Variants in MYO1E observed in about 807,000 individuals in gnomAD.
The protein encoded by MYO1E is unconventional myosin-Ie.
A neutral mutation model predicts 151.1 loss-of-function variants in MYO1E; 68 were observed. The ratio of observed to expected loss-of-function variants is 0.45; its 90% CI spans 0.37 to 0.55. The LOEUF (loss-of-function observed/expected upper bound fraction) is 0.55, where lower values mean the gene tolerates loss of function less well. Among genes scored for constraint, MYO1E ranks in the 20% least tolerant of loss-of-function variants. The probability of loss-of-function intolerance (pLI) is 0.00; values close to 1 mark genes in which losing one functional copy is unlikely to be tolerated. For synonymous variants in MYO1E, 601 were observed against 501.7 expected (o/e 1.20, Z -2.64); for missense variants, 1,363 against 1,389.3 (o/e 0.98, Z 0.30).
At chr15:59,168,154 T>C (rs976921693) in intron 22 of MYO1E, among the ~76,000 whole-genome samples, 6 of 152,236 alleles carry the variant, frequency 3.9e-5, no homozygotes, top group African/African-American at 7.2e-5. Context: ...ACTAGACATA[T>C]ATCTGTATGT....
chr15:59,140,119 C>T lies in MYO1E; in HGVS notation c.3081-1752G>A, dbSNP rs567283851. Among the ~76,000 whole-genome samples, 29 of 151,872 alleles carry T rather than the reference C, an allele frequency of 1.9e-4. No homozygotes were observed. The South Asian group carries it at 6.0e-3, about 32-fold the overall frequency. On this transcript the variant is annotated intron_variant, in intron 26 of 27. Coordinates refer to ENST00000288235, the MANE Select transcript of MYO1E (RefSeq NM_004998.4). The stretch of plus-strand genomic sequence containing the variant: ...GTGGGTGCGGGAGGCTGTCCTATGC[C>T]CTGTAGGATCCCTGGCCTCTACCCA...
intron 17 of MYO1E, among the ~76,000 whole-genome samples, chr15:59,193,740 C>T (rs2079748446): frequency 6.6e-6 from 1 of 152,116 alleles, no homozygotes. Flanking sequence ...GTACAGCCTC[C>T]TAAAGTAAGA....
At chr15:59,331,373 A>G (rs2080696903) in intron 1 of MYO1E, among the ~76,000 whole-genome samples, 1 of 152,154 alleles carries the variant, frequency 6.6e-6, no homozygotes, top group African/African-American at 2.4e-5. Flanking sequence ...CTGGGGAAAC[A>G]TCTCTGAACT....
chr15:59,278,921 G>C (rs1285984129), intron 1 of MYO1E, among the ~76,000 whole-genome samples: 2 of 152,026 alleles, frequency 1.3e-5, no homozygotes, highest in Non-Finnish European at 2.9e-5. Flanking sequence ...CTGAAGCTTG[G>C]GGTCATAATG....
chr15:59,237,981 C>G (rs889553847), intron 4 of MYO1E, among the ~76,000 whole-genome samples: 1 of 152,118 alleles, frequency 6.6e-6, no homozygotes, highest in African/African-American at 2.4e-5. Flanking sequence ...TCATGACCTG[C>G]AAAAGTCTGA....
intron 1 of MYO1E, among the ~76,000 whole-genome samples, chr15:59,331,523 GAT>G (rs1433296868): frequency 6.6e-6 from 1 of 152,174 alleles, no homozygotes; most frequent in African/African-American, 2.4e-5. Flanking sequence ...AAAAAGATCA[GAT>G]AGACTCTCCT....
At chr15:59,209,663 G>A (rs776900399) in intron 13 of MYO1E, among the ~76,000 whole-genome samples, 20 of 151,676 alleles carry the variant, frequency 1.3e-4, no homozygotes, top group Non-Finnish European at 2.2e-4. Flanking sequence ...GCAACCGAGC[G>A]AGACGTCTCT....
intron 3 of MYO1E, among the ~76,000 whole-genome samples, chr15:59,259,341 G>A (rs534660835): frequency 2.0e-5 from 3 of 152,252 alleles, no homozygotes; most frequent in South Asian, 2.1e-4. Flanking sequence ...TTTCGATTAT[G>A]TCACATGTAA....
chr15:59,301,662 T>C (rs1212594879), intron 1 of MYO1E, among the ~76,000 whole-genome samples: 8 of 152,188 alleles, frequency 5.3e-5, no homozygotes, highest in African/African-American at 1.9e-4. Flanking sequence ...TGTGGCTAAG[T>C]CCATATTCTG....
intron 1 of MYO1E, among the ~76,000 whole-genome samples, chr15:59,303,756 A>G (rs558963338): frequency 6.6e-6 from 1 of 152,238 alleles, no homozygotes; most frequent in South Asian, 2.1e-4. Flanking sequence ...CGGTGGCACA[A>G]AACACCAGGC....
chr15:59,213,557 C>G (rs1291674521), intron 12 of MYO1E, among the ~76,000 whole-genome samples: 1 of 152,048 alleles, frequency 6.6e-6, no homozygotes, highest in African/African-American at 2.4e-5. Context: ...CTCCTGGGCT[C>G]AAGCAATCCT....
intron 1 of MYO1E, chr15:59,341,165 C>T (rs1021907717): frequency 5.3e-5 from 8 of 151,834 alleles, no homozygotes; most frequent in African/African-American, 1.9e-4. Flanking sequence ...ATCACATGAT[C>T]GAAAATGGGG....
chr15:59,164,290 A>G (rs1317590052), intron 22 of MYO1E, among the ~76,000 whole-genome samples: 1 of 152,246 alleles, frequency 6.6e-6, no homozygotes, highest in East Asian at 1.9e-4. Flanking sequence ...TCCAAGTACC[A>G]CTGCCAAATA....
chr15:59,207,650 G>A (rs2079847264), intron 14 of MYO1E: 2 of 1,614,056 alleles, frequency 1.2e-6, no homozygotes, highest in African/African-American at 2.7e-5. Context: ...TGCCATGGAT[G>A]GATCCTCGGA....
At chr15:59,166,784 G>A (rs2079564774) in intron 22 of MYO1E, among the ~76,000 whole-genome samples, 1 of 152,204 alleles carries the variant, frequency 6.6e-6, no homozygotes, top group South Asian at 2.1e-4. Flanking sequence ...GGACGCAGAT[G>A]CAGGCCTCAG....
At chr15:59,233,869 T>C (rs2080044154) in intron 5 of MYO1E, among the ~76,000 whole-genome samples, 1 of 123,518 alleles carries the variant, frequency 8.1e-6, no homozygotes, top group Non-Finnish European at 1.7e-5. Context: ...GAATACACAC[T>C]GTATTTCAAA....
chr15:59,195,307 G>A (rs2079759821), intron 17 of MYO1E, among the ~76,000 whole-genome samples, 154 bp downstream of exon 17: 1 of 152,210 alleles, frequency 6.6e-6, no homozygotes, highest in East Asian at 1.9e-4. Context: ...AGGGGAAACA[G>A]TATACAGCTT....
intron 1 of MYO1E, among the ~76,000 whole-genome samples, chr15:59,303,982 CTTT>C (rs35196401): frequency 1.5e-5 from 2 of 132,640 alleles, no homozygotes. Flanking sequence ...TCTTTTCTTT[CTTT>C]TTTTTTTTTT....
chr15:59,195,635 T>G, intron 16 of MYO1E, 68 bp from the exon 17 acceptor site: 1 of 1,347,234 alleles, frequency 7.4e-7, no homozygotes, highest in Non-Finnish European at 1.1e-6. Context: ...CAAAGGAGAC[T>G]TGTAAAACTC....
Sources: gnomAD v4.1 joint callset for allele counts (sites outside exome capture counted in the v4.1 genomes callset) on GRCh38, gnomAD v4.1.1 for gene constraint, MANE v1.5 for transcripts, NCBI Gene and HGNC (gene_info 2026-07-23, HGNC 2026-07-21) for gene names.